The following PRDM10 variants were observed in gnomAD, a reference collection of about 807,000 sequenced individuals.
PRDM10 encodes the protein PR/SET domain 10.
In PRDM10, 65 loss-of-function variants were observed where a neutral mutation model predicts 133.1. The observed-to-expected ratio is 0.49, with a 90% confidence interval of 0.40 to 0.60. The LOEUF (loss-of-function observed/expected upper bound fraction) is 0.60, where lower values mean the gene tolerates loss of function less well. PRDM10 is among the 20% of genes least tolerant of loss of function. The pLI, the probability that PRDM10 is intolerant of heterozygous loss-of-function variation, is 0.00. For missense variants in PRDM10, 1,137 were observed against 1,507.1 expected (o/e 0.75, Z 4.07); for synonymous variants, 582 against 580.4 (o/e 1.00, Z -0.04).
chr11:129,972,044 C>T (rs1324662386), intron 1 of PRDM10, among the ~76,000 whole-genome samples: 1 of 152,252 alleles, frequency 6.6e-6, no homozygotes, highest in Non-Finnish European at 1.5e-5. Context: ...CCCAGTACAC[C>T]CTCCGCAGCC....
chr11:129,931,195 G>T lies in PRDM10; in HGVS notation c.1351C>A (p.Leu451Met). 6.2e-7 allele frequency: 1 copy of T among 1,614,146 alleles called. No homozygotes were observed. The highest frequency in any genetic ancestry group is 8.5e-7 in the Non-Finnish European group (1 of 1,179,990). ...ATAGTGGTCTGTTCTGGTTGATCCAGCCCATTCAGAGTGGCTGGTTCAGCC... is the reference window on the plus strand; with the variant it reads ...ATAGTGGTCTGTTCTGGTTGATCCATCCCATTCAGAGTGGCTGGTTCAGCC... ...DEAEPATLNG[L>M]DQPEQTTIPI... is the part of the protein sequence containing the mutation. The change falls in exon 11 of 21, where the codon CTG (leucine) becomes ATG (methionine). Residue 451 changes from leucine (L) to methionine (M), a missense_variant. Physicochemically the swap from Leu to Met is conservative, Grantham distance 15. Coordinates refer to ENST00000360871, the MANE Select transcript of PRDM10 (RefSeq NM_199437.2).
chr11:129,929,169 C>T (rs1315208853), intron 11 of PRDM10, among the ~76,000 whole-genome samples: 1 of 152,168 alleles, frequency 6.6e-6, no homozygotes, highest in Non-Finnish European at 1.5e-5. Context: ...ATGGTTTTAG[C>T]GCTGGAAGGG....
chr11:129,935,253 G>A (rs1217957576), intron 8 of PRDM10, 35 bp from the exon 9 acceptor site: 1 of 1,492,798 alleles, frequency 6.7e-7, no homozygotes, highest in African/African-American at 1.4e-5. Context: ...AAAGGCTGAT[G>A]ACCAATAGAC....
intron 4 of PRDM10, among the ~76,000 whole-genome samples, chr11:129,949,187 A>T (rs1951513134): frequency 6.6e-6 from 1 of 152,180 alleles, no homozygotes; most frequent in African/African-American, 2.4e-5. Flanking sequence ...ACTGCACCTC[A>T]GGGAAATAGA....
chr11:129,973,636 G>A (rs1937621709), intron 1 of PRDM10, among the ~76,000 whole-genome samples: 1 of 152,082 alleles, frequency 6.6e-6, no homozygotes, highest in Non-Finnish European at 1.5e-5. Context: ...CAATGTCGGT[G>A]ATTTAAAAAA....
At chr11:129,910,728 AG>A in intron 18 of PRDM10, 72 bp from the exon 19 acceptor site, 1 of 1,287,554 alleles carries the variant, frequency 7.8e-7, no homozygotes, top group Non-Finnish European at 1.0e-6. Context: ...AAATAACTGA[AG>A]GAAGTACACC....
In PRDM10 at chr11:129,937,620, G is replaced by C. The variant is rs762524928; in HGVS notation, c.1017C>G (p.Asp339Glu). The C allele has an allele frequency of 8.1e-6, 13 of 1,613,380 alleles. No individual in the cohort carries two copies. In the Admixed American group the frequency reaches 2.2e-4, roughly 27 times the overall value. The change falls in exon 8 of 21, where the codon GAC (aspartate) becomes GAG (glutamate). Residue 339 changes from aspartate to glutamate, a missense_variant. Around this residue, in one of 6 missense-constraint regions of PRDM10, gnomAD observed 635 missense variants for 835.2 expected, o/e 0.76. Transcript: ENST00000360871. The stretch of plus-strand genomic sequence containing the variant: ...CACCTTTCCTTTCTTCCTCAGAAAT[G>C]TCATGAATTTTCTGGTTCACGAACT... ...YAEFVNQKIH[D>E]ISEEERKVLR... is the part of the protein sequence containing the mutation.
chr11:129,971,584 C>A (rs1292323788), intron 1 of PRDM10, among the ~76,000 whole-genome samples: 1 of 151,628 alleles, frequency 6.6e-6, no homozygotes, highest in African/African-American at 2.4e-5. Context: ...GGTGTATTTA[C>A]AATCCCTGAG....
At chr11:130,002,153 C>T (rs1591718276) in intron 1 of PRDM10, among the ~76,000 whole-genome samples, 2 of 149,400 alleles carry the variant, frequency 1.3e-5, no homozygotes, top group East Asian at 3.9e-4. Flanking sequence ...GCCCGGCCCC[C>T]AGCCCCCGGT....
rs1197485648 is a variant in PRDM10 at position 129,945,643 on chromosome 11, C to T, written c.521-631G>A. Among the ~76,000 whole-genome samples, 2 of 152,166 alleles carry T rather than the reference C, an allele frequency of 1.3e-5. No individual in the cohort carries two copies. Among genetic ancestry groups the T allele is most frequent in the Non-Finnish European group, 2.9e-5 (2 of 68,034 alleles). On this transcript the variant is annotated intron_variant, in intron 5 of 20. Coordinates refer to ENST00000360871, the MANE Select transcript of PRDM10 (RefSeq NM_199437.2). This position sits in a 1 kb window ranked among gnomAD's most constrained non-coding sequence, Gnocchi z 4.2. ...ATTTTCCGCCCATTCCAAGAGCACT[C>T]GGTTTGCACCAGTCCGGCCACACGC... is the stretch of plus-strand genomic sequence containing the variant.
intron 4 of PRDM10, among the ~76,000 whole-genome samples, chr11:129,953,096 C>T (rs1951619602): frequency 6.6e-6 from 1 of 152,014 alleles, no homozygotes. Context: ...GCCTCAGCCT[C>T]CTGAGTACTC....
intron 1 of PRDM10, among the ~76,000 whole-genome samples, chr11:129,976,891 T>C (rs1170979978): frequency 9.2e-5 from 14 of 152,088 alleles, no homozygotes; most frequent in Admixed American, 8.5e-4. Flanking sequence ...CTCCATAACA[T>C]GTTTCTCAAA....
In PRDM10 at chr11:129,918,759, G is replaced by T. The variant is rs1950435613; in HGVS notation, c.2035-41C>A. Reference sequence around the variant, plus strand: ...TTTTGAAAACGGGGTAGACACGGGGGTAGAAAATTTTTAACTGAAGGGATC... The same window carrying T: ...TTTTGAAAACGGGGTAGACACGGGGTTAGAAAATTTTTAACTGAAGGGATC... On this transcript the variant is annotated intron_variant, in intron 13 of 20. Transcript: ENST00000360871. This position sits in a 1 kb window ranked among gnomAD's most constrained non-coding sequence, Gnocchi z 5.3. 4.6e-6 allele frequency: 7 copies of T among 1,535,760 alleles called. No homozygotes were observed. The East Asian group carries it at 1.6e-4, about 35-fold the overall frequency.
chr11:129,954,611 G>C (rs898218792), intron 4 of PRDM10, among the ~76,000 whole-genome samples: 3 of 152,034 alleles, frequency 2.0e-5, no homozygotes, highest in Non-Finnish European at 4.4e-5. Context: ...ATCAGTCATG[G>C]CACTCAGTAA....
At chr11:129,967,296 CAGG>C (rs775143633) in intron 1 of PRDM10, among the ~76,000 whole-genome samples, 6 of 152,200 alleles carry the variant, frequency 3.9e-5, no homozygotes, top group Non-Finnish European at 7.4e-5. Context: ...GAGGCTGAGG[CAGG>C]AGAACTGCTT....
chr11:129,936,469 C>A (rs1478031893), intron 8 of PRDM10, among the ~76,000 whole-genome samples: 1 of 151,946 alleles, frequency 6.6e-6, no homozygotes, highest in African/African-American at 2.4e-5. Flanking sequence ...CTGGCTAACA[C>A]AGTGAAACCC....
chr11:129,980,001 G>T (rs1222125841), intron 1 of PRDM10, among the ~76,000 whole-genome samples: 1 of 152,232 alleles, frequency 6.6e-6, no homozygotes, highest in African/African-American at 2.4e-5. Flanking sequence ...GCCACAATGA[G>T]ATGCACTTTC....
rs777574062 is a variant in PRDM10 at position 129,923,431 on chromosome 11, A to C, written c.1879-28T>G. 1 of 1,587,466 alleles carries C rather than the reference A, an allele frequency of 6.3e-7. No homozygotes were observed. The highest frequency in any genetic ancestry group is 8.6e-7 in the Non-Finnish European group (1 of 1,165,654). Reference sequence around the variant, plus strand: ...GGTGATAAGAACCACAGGAAAATTCAGGGGACGCAGGCACCAAATGAAATG... The same window carrying C: ...GGTGATAAGAACCACAGGAAAATTCCGGGGACGCAGGCACCAAATGAAATG... On this transcript the variant is annotated intron_variant, in intron 12 of 20. Coordinates refer to ENST00000360871, the MANE Select transcript of PRDM10 (RefSeq NM_199437.2). The surrounding 1 kb of genome is among the most constrained non-coding windows in gnomAD (Gnocchi z 4.4).
At chr11:129,917,669 T>C (rs1950399485) in intron 14 of PRDM10, among the ~76,000 whole-genome samples, 1 of 152,256 alleles carries the variant, frequency 6.6e-6, no homozygotes, top group Non-Finnish European at 1.5e-5. Context: ...TCTATGACTT[T>C]CCAGCACCTG....
Sources: gnomAD v4.1 joint callset for allele counts (sites outside exome capture counted in the v4.1 genomes callset) on GRCh38, gnomAD v4.1.1 for gene constraint, gnomAD v4.1.1 regional missense constraint, Gnocchi (gnomAD v3.1) non-coding constraint, MANE v1.5 for transcripts, NCBI Gene and HGNC (gene_info 2026-07-23, HGNC 2026-07-21) for gene names.